Variants in OVOL1 observed in about 807,000 individuals in gnomAD.
OVOL1 encodes putative transcription factor Ovo-like 1.
A neutral mutation model predicts 21.5 loss-of-function variants in OVOL1; 10 were observed. The observed-to-expected ratio is 0.46, with a 90% CI of 0.29 to 0.79. OVOL1 has a LOEUF of 0.79. Among genes scored for constraint, OVOL1 ranks in the 30% least tolerant of loss-of-function variants. The probability of loss-of-function intolerance (pLI) is 0.10; values close to 1 mark genes in which losing one functional copy is unlikely to be tolerated. For missense variants in OVOL1, 279 were observed against 362.3 expected, an observed-to-expected ratio of 0.77 and a Z score of 1.87; for synonymous variants, 129 against 150.3, an observed-to-expected ratio of 0.86 and a Z score of 1.03.
At chr11:65,794,430 C>G (rs536363616) in intron 2 of OVOL1, 108 bp from the exon 3 acceptor site, 1 of 1,182,810 alleles carries the variant, frequency 8.5e-7, no homozygotes, top group Non-Finnish European at 1.2e-6. Context: ...GGGAGGTGGG[C>G]ACCACCCTCC....
At chr11:65,787,551 C>T (rs1055812400) in intron 1 of OVOL1, 78 bp downstream of exon 1, 1 of 834,860 alleles carries the variant, frequency 1.2e-6, no homozygotes. Context: ...GGCGCAGGTC[C>T]GCGGAGCCAG....
rs537651505 is a variant in OVOL1 at position 65,789,769 on chromosome 11, C to A, written c.100+2296C>A. On this transcript the variant is annotated intron_variant, in intron 1 of 3. Coordinates refer to ENST00000335987, the MANE Select transcript of OVOL1 (RefSeq NM_004561.4). Reference sequence around the variant, plus strand: ...GAATGTGGGAGTGTTTGAGTTCTGACCTTCCTGCCAGGTTCCTCTGAGACC... The same window carrying A: ...GAATGTGGGAGTGTTTGAGTTCTGAACTTCCTGCCAGGTTCCTCTGAGACC... The A allele has an allele frequency of 7.6e-6, 7 of 919,002 alleles. No homozygotes were observed. The African/African-American group carries it at 1.1e-4, about 14-fold the overall frequency. The allele number at this position is 919,002 out of a possible 1,614,324, so 56.9% of individuals were successfully genotyped here. A position where few individuals can be genotyped will look rare whatever the true frequency, so the allele number is the denominator to read the frequency against.
At chr11:65,794,344 C>T (rs781373765) in intron 2 of OVOL1, 96 bp downstream of exon 2, 30 of 1,257,172 alleles carry the variant, frequency 2.4e-5, no homozygotes, top group Non-Finnish European at 3.3e-5. Context: ...TAGGCAGAGA[C>T]TGACCTGGGA....
At position 65,795,149 on chromosome 11, in the gene OVOL1, G is replaced by T. The variant is rs201146309; in HGVS notation, c.612G>T (p.Ala204=). The change falls in exon 4 of 4, where the codon GCG becomes GCT. Residue 204 remains alanine (A), a synonymous_variant. Coordinates refer to ENST00000335987, the MANE Select transcript of OVOL1 (RefSeq NM_004561.4). This position sits in a 1 kb window ranked among gnomAD's most constrained non-coding sequence, Gnocchi z 5.7. The stretch of plus-strand genomic sequence containing the variant: ...TCCATGGTGTGCAGCAGAAGTACGC[G>T]TACAAGGAGCGGCGGGCCAAGCTGT... ...KKIHGVQQKY[A]YKERRAKLYV... The T allele has an allele frequency of 3.5e-5, 56 of 1,613,772 alleles. No individual in the cohort carries two copies. The highest frequency in any genetic ancestry group is 4.6e-5 in the Non-Finnish European group (54 of 1,180,032).
At chr11:65,789,622 G>A in intron 1 of OVOL1, 1 of 973,688 alleles carries the variant, frequency 1.0e-6, no homozygotes, top group Non-Finnish European at 1.2e-6. Context: ...CCCTGGCTGG[G>A]CCATTCCATC....
Position 65,794,232 on chromosome 11 carries a change from T to C in OVOL1, c.302T>C (p.Leu101Pro). 1 of 1,613,056 alleles carries C rather than the reference T, an allele frequency of 6.2e-7. No individual in the cohort carries two copies. The highest frequency in any genetic ancestry group is 1.1e-5 in the South Asian group (1 of 91,088). ...CCCCAGAGCAGAGACCATGGCTTCC[T>C]GCGCACCAAGATGAAGGTAATGCCA... The part of the protein sequence containing the change: ...TDPQSRDHGF[L>P]RTKMKVTLGD... Residue 101 changes from leucine to proline, a missense_variant, in exon 2 of 4, where the codon CTG becomes CCG. Coordinates refer to ENST00000335987, the MANE Select transcript of OVOL1 (RefSeq NM_004561.4).
In OVOL1 at chr11:65,794,605, A is replaced by G; in HGVS notation, c.386A>G (p.Tyr129Cys). 1 of 1,613,502 alleles carries G rather than the reference A, an allele frequency of 6.2e-7. No individual in the cohort carries two copies. ...CGTGTCTGCCAGAAGGCCTTCACCT[A>G]CCAGCGCATGCTGAACCGCCACATG... ...TCRVCQKAFT[Y>C]QRMLNRHMKC... The change falls in exon 3 of 4, where the codon TAC (tyrosine) becomes TGC (cysteine). Residue 129 changes from tyrosine (Y) to cysteine (C), a missense_variant. Physicochemically the swap from Tyr to Cys is radical, Grantham distance 194. Coordinates refer to ENST00000335987, the MANE Select transcript of OVOL1 (RefSeq NM_004561.4).
intron 1 of OVOL1, among the ~76,000 whole-genome samples, chr11:65,791,993 G>C (rs1000547189): frequency 6.6e-6 from 1 of 152,216 alleles, no homozygotes; most frequent in African/African-American, 2.4e-5. Context: ...GGTTTGGCAG[G>C]GTGGGTGGGA....
intron 1 of OVOL1, among the ~76,000 whole-genome samples, chr11:65,793,154 C>T (rs1858056725): frequency 6.6e-6 from 1 of 152,254 alleles, no homozygotes; most frequent in Non-Finnish European, 1.5e-5. Flanking sequence ...AATTGCCTGT[C>T]TGTGTCCCTC....
At chr11:65,793,010 C>T (rs1292880484) in intron 1 of OVOL1, among the ~76,000 whole-genome samples, 2 of 152,230 alleles carry the variant, frequency 1.3e-5, no homozygotes, top group African/African-American at 4.8e-5. Flanking sequence ...TCCTTTTGGT[C>T]ATAGGCCCCT....
intron 1 of OVOL1, among the ~76,000 whole-genome samples, chr11:65,788,031 T>G (rs1857938395): frequency 6.6e-6 from 1 of 151,984 alleles, no homozygotes; most frequent in Non-Finnish European, 1.5e-5. Context: ...GGCCCCCAAA[T>G]TTTCGTTGGG....
chr11:65,787,186 GA>G lies in OVOL1; in HGVS notation c.-187del. 1 of 479,234 alleles carries G rather than the reference GA, an allele frequency of 2.1e-6. No homozygotes were observed. The highest frequency in any genetic ancestry group is 4.0e-5 in the East Asian group (1 of 24,870). The allele number at this position is 479,234 out of a possible 1,614,324, so 29.7% of individuals were successfully genotyped here. A position where few individuals can be genotyped will look rare whatever the true frequency, so the allele number is the denominator to read the frequency against. On this transcript the variant is annotated 5_prime_UTR_variant, in exon 1 of 4. Transcript: ENST00000335987. Reference sequence around the variant, plus strand: ...GGACCTCGTTCTCAGGGAAGACGGCGACATTCCGCGGAGGTGGAACCGCCGC... The same window carrying G: ...GGACCTCGTTCTCAGGGAAGACGGCGCATTCCGCGGAGGTGGAACCGCCGC...
Position 65,787,588 on chromosome 11 carries a change from GC to G in OVOL1, c.100+116del, listed in dbSNP as rs1315560437. Reference sequence around the variant, plus strand: ...CGGCAGGCGCGGTGTGGGCGCCGGGGCTGAATGCGGCCGCGGCCTGGGCTGG... The same window carrying G: ...CGGCAGGCGCGGTGTGGGCGCCGGGGTGAATGCGGCCGCGGCCTGGGCTGG... On this transcript the variant is annotated intron_variant, in intron 1 of 3. Transcript: ENST00000335987. 6 of 332,192 alleles carry G rather than the reference GC, an allele frequency of 1.8e-5. No individual in the cohort carries two copies. In the East Asian group the frequency reaches 4.2e-4, roughly 23 times the overall value. The allele number at this position is 332,192 out of a possible 1,614,324, so 20.6% of individuals were successfully genotyped here. A position where few individuals can be genotyped will look rare whatever the true frequency, so the allele number is the denominator to read the frequency against.
At chr11:65,792,865 A>T (rs1019613068) in intron 1 of OVOL1, among the ~76,000 whole-genome samples, 3 of 152,180 alleles carry the variant, frequency 2.0e-5, no homozygotes, top group Non-Finnish European at 4.4e-5. Flanking sequence ...CTCCTGGGAG[A>T]AGAGGTGAGG....
At position 65,797,155 on chromosome 11, in the gene OVOL1, C is replaced by T. The variant is rs1858150377; in HGVS notation, c.*1814C>T. On this transcript the variant is annotated 3_prime_UTR_variant, in exon 4 of 4. Coordinates refer to ENST00000335987, the MANE Select transcript of OVOL1 (RefSeq NM_004561.4). ...CTGCCAATCCGAGGCCGTCATGAAG[C>T]TCTGTGTTGTCTGTTTTATTTTATA... 1 of 152,202 alleles carries T rather than the reference C, an allele frequency of 6.6e-6. No individual in the cohort carries two copies. The highest frequency in any genetic ancestry group is 1.5e-5 in the Non-Finnish European group (1 of 68,044). 9.4% of individuals were successfully genotyped at this position (152,202 alleles called of 1,614,324 possible).
chr11:65,788,415 C>T (rs1051833490), intron 1 of OVOL1: 1 of 980,970 alleles, frequency 1.0e-6, no homozygotes. Flanking sequence ...CGAACGCCCC[C>T]TCCCCAGGCC....
At chr11:65,793,149 C>T (rs642803) in intron 1 of OVOL1, among the ~76,000 whole-genome samples, 64,103 of 152,094 alleles carry the variant, frequency 0.42, 14,100 homozygotes, top group South Asian at 0.56. Context: ...TTGAGAATTG[C>T]CTGTCTGTGT....
intron 1 of OVOL1, 74 bp downstream of exon 1, chr11:65,787,547 G>T (rs1857929075): frequency 2.3e-6 from 2 of 865,672 alleles, no homozygotes; most frequent in Non-Finnish European, 3.0e-6. Flanking sequence ...GGCGGGCGCA[G>T]GTCCGCGGAG....
intron 1 of OVOL1, chr11:65,790,057 A>ACCCCCCCCCCCCCCCCCCCCCCCCCC (rs1857983513): frequency 1.7e-5 from 1 of 59,080 alleles, no homozygotes. Context: ...CCCCCCAACC[A>ACCCCCCCCCCCCCCCCCCCCCCCCCC]CCCTCCCCTC....
Sources: allele counts gnomAD v4.1 joint callset (sites outside exome capture counted in the v4.1 genomes callset), GRCh38; gene constraint gnomAD v4.1.1; non-coding constraint Gnocchi (gnomAD v3.1); transcripts MANE v1.5; gene names NCBI Gene and HGNC (gene_info 2026-07-23, HGNC 2026-07-21).